Variants in MCU observed in about 807,000 individuals in gnomAD.
The protein encoded by MCU is calcium uniporter protein, mitochondrial.
In MCU, 12 loss-of-function variants were observed where a neutral mutation model predicts 45.2. That is an observed-to-expected ratio of 0.27 (90% CI 0.17 to 0.43). MCU has a LOEUF of 0.43. Among genes scored for constraint, MCU ranks in the 20% least tolerant of loss-of-function variants. The pLI is 1.00. For synonymous variants in MCU, 160 were observed against 165.1 expected, an observed-to-expected ratio of 0.97 and a Z score of 0.24; for missense variants, 324 against 436.7, an observed-to-expected ratio of 0.74 and a Z score of 2.30.
intron 1 of MCU, among the ~76,000 whole-genome samples, chr10:72,719,239 A>G (rs1035523450): frequency 6.6e-6 from 1 of 152,218 alleles, no homozygotes; most frequent in African/African-American, 2.4e-5. Flanking sequence ...CTTTTATCTT[A>G]GAATATATGC....
chr10:72,742,110 G>A lies in MCU; in HGVS notation c.150+49809G>A, dbSNP rs75153701. On this transcript the variant is annotated intron_variant, in intron 1 of 7. Transcript: ENST00000373053. ...GATGGTCCCATAAGATTATAGTATCGTATACTGTACCTTTTCTATGTTTAG... is the reference window on the plus strand; with the variant it reads ...GATGGTCCCATAAGATTATAGTATCATATACTGTACCTTTTCTATGTTTAG... Among the ~76,000 whole-genome samples the A allele has an allele frequency of 9.2e-3, 1,381 of 150,410 alleles. 11 individuals are homozygous for A. Among genetic ancestry groups the A allele is most frequent in the East Asian group, 0.027 (138 of 5,144 alleles).
intron 1 of MCU, among the ~76,000 whole-genome samples, chr10:72,783,321 A>G (rs1279785153): frequency 6.6e-6 from 1 of 152,210 alleles, no homozygotes; most frequent in South Asian, 2.1e-4. Flanking sequence ...TTCATGTCCA[A>G]AACAGTGTGA....
chr10:72,820,310 C>G (rs943585202), intron 1 of MCU, among the ~76,000 whole-genome samples: 20 of 152,074 alleles, frequency 1.3e-4, no homozygotes, highest in Admixed American at 3.3e-4. Context: ...TCTCATTCTC[C>G]TATTCTCATA....
At chr10:72,877,964 T>C (rs1403397753) in intron 6 of MCU, among the ~76,000 whole-genome samples, 1 of 152,058 alleles carries the variant, frequency 6.6e-6, no homozygotes, top group Non-Finnish European at 1.5e-5. Context: ...TTCATCTCAA[T>C]CCTGTAAATT....
Position 72,763,924 on chromosome 10 carries a change from C to CCACA in MCU, c.151-70425_151-70422dup, listed in dbSNP as rs954797408. Among the ~76,000 whole-genome samples, 6 of 151,838 alleles carry CCACA rather than the reference C, an allele frequency of 4.0e-5. No individual in the cohort carries two copies. The East Asian group carries it at 1.2e-3, about 29-fold the overall frequency. On this transcript the variant is annotated intron_variant, in intron 1 of 7. Coordinates refer to ENST00000373053, the MANE Select transcript of MCU (RefSeq NM_138357.3). ...ATACTCTCCCCTTCACACTCCCCTT[C>CCACA]CACACACACACACGCATGTGCTCAA...
intron 1 of MCU, among the ~76,000 whole-genome samples, chr10:72,735,039 G>A (rs1353397885): frequency 7.3e-5 from 11 of 150,938 alleles, no homozygotes; most frequent in South Asian, 2.1e-4. Flanking sequence ...TCGGGCCACC[G>A]CAGTGCAGGC....
intron 1 of MCU, among the ~76,000 whole-genome samples, chr10:72,725,149 G>A (rs938902022): frequency 2.0e-5 from 3 of 150,868 alleles, no homozygotes; most frequent in African/African-American, 7.3e-5. Context: ...TTTTTGAGAC[G>A]GAGTCTCGCT....
intron 2 of MCU, among the ~76,000 whole-genome samples, chr10:72,852,441 A>G (rs1308059058): frequency 2.6e-5 from 4 of 152,226 alleles, no homozygotes; most frequent in Non-Finnish European, 5.9e-5. Flanking sequence ...TCGTACATCC[A>G]TGAAGTATTA....
intron 1 of MCU, among the ~76,000 whole-genome samples, chr10:72,775,845 C>T (rs181914319): frequency 3.3e-5 from 5 of 152,102 alleles, no homozygotes; most frequent in African/African-American, 7.2e-5. Context: ...CTCAGCAAAC[C>T]GATCATGAGT....
At chr10:72,769,973 G>A (rs1377990846) in intron 1 of MCU, among the ~76,000 whole-genome samples, 2 of 152,256 alleles carry the variant, frequency 1.3e-5, no homozygotes, top group South Asian at 2.1e-4. Flanking sequence ...GCTGCATCCC[G>A]TAAGTTTTGT....
At chr10:72,749,308 G>T (rs1391163896) in intron 1 of MCU, among the ~76,000 whole-genome samples, 2 of 152,054 alleles carry the variant, frequency 1.3e-5, no homozygotes, top group Non-Finnish European at 2.9e-5. Flanking sequence ...ACCAACTTGA[G>T]AATGGTGACA....
chr10:72,849,223 G>A (rs1845169421), intron 2 of MCU, among the ~76,000 whole-genome samples: 1 of 150,054 alleles, frequency 6.7e-6, no homozygotes, highest in African/African-American at 2.5e-5. Context: ...GCAGGTTGCC[G>A]TGAGCTGAGA....
At chr10:72,701,077 G>A (rs557960517) in intron 1 of MCU, among the ~76,000 whole-genome samples, 5 of 152,270 alleles carry the variant, frequency 3.3e-5, no homozygotes, top group Non-Finnish European at 4.4e-5. Context: ...GATAAGTAAT[G>A]TAAGAGGATG....
intron 1 of MCU, among the ~76,000 whole-genome samples, chr10:72,805,210 CTTTCCTTTCCTTTCCTT>C (rs1277665936): frequency 1.4e-5 from 2 of 142,290 alleles, no homozygotes; most frequent in African/African-American, 2.6e-5. Context: ...TCCTTTCTTC[CTTTCCTTTCCTTTCCTT>C]TTTCCTTTCC....
intron 1 of MCU, among the ~76,000 whole-genome samples, chr10:72,813,450 CTTTTTT>C (rs71021537): frequency 2.5e-4 from 19 of 76,216 alleles, no homozygotes; most frequent in African/African-American, 7.5e-4. Flanking sequence ...CCAGCTCTCT[CTTTTTT>C]TTTTTTTTTT....
rs549346778 is a variant in MCU at position 72,692,176 on chromosome 10, C to T, written c.25C>T (p.Leu9Phe). The T allele has an allele frequency of 2.9e-5, 37 of 1,283,338 alleles. No individual in the cohort carries two copies. The South Asian group carries it at 1.1e-3, about 39-fold the overall frequency. The allele number at this position is 1,283,338 out of a possible 1,614,324, so 79.5% of individuals were successfully genotyped here. Residue 9 changes from leucine to phenylalanine, a missense_variant, in exon 1 of 8, where the codon CTC becomes TTC. Leu to Phe is a conservative substitution (Grantham distance 22). Around this residue, in one of 4 missense-constraint regions of MCU, gnomAD observed 111 missense variants for 112.3 expected, o/e 0.99. Coordinates refer to ENST00000373053, the MANE Select transcript of MCU (RefSeq NM_138357.3). ...GATGGCGGCCGCCGCAGGTAGATCG[C>T]TCCTGCTGCTCCTCTCCTCTCGGGG... MAAAAGRSLLLLLSSRGGG... is the reference protein window; with the variant it reads MAAAAGRSFLLLLSSRGGG...
intron 6 of MCU, among the ~76,000 whole-genome samples, chr10:72,874,451 A>G (rs996088166): frequency 1.3e-5 from 2 of 152,222 alleles, no homozygotes; most frequent in African/African-American, 2.4e-5. Flanking sequence ...AAGAAAGCTG[A>G]GAGTTGCATC....
intron 1 of MCU, among the ~76,000 whole-genome samples, chr10:72,773,632 A>G (rs983788260): frequency 3.3e-5 from 5 of 152,214 alleles, no homozygotes; most frequent in Non-Finnish European, 5.9e-5. Context: ...GGCACAGGAA[A>G]GTCTGTGCCA....
intron 1 of MCU, among the ~76,000 whole-genome samples, chr10:72,773,049 C>A (rs1182197467): frequency 6.6e-6 from 1 of 152,106 alleles, no homozygotes; most frequent in Admixed American, 6.6e-5. Context: ...CAGGAACATG[C>A]CACAACACCT....
Sources: gnomAD v4.1 joint callset for allele counts (sites outside exome capture counted in the v4.1 genomes callset) on GRCh38, gnomAD v4.1.1 for gene constraint, gnomAD v4.1.1 regional missense constraint, MANE v1.5 for transcripts, NCBI Gene and HGNC (gene_info 2026-07-23, HGNC 2026-07-21) for gene names.